Variants in TDRD1 observed in about 807,000 individuals in gnomAD.
The protein encoded by TDRD1 is tudor domain-containing protein 1.
TDRD1 carries 37 observed loss-of-function variants against 140.6 expected under a neutral mutation model. The observed-to-expected ratio is 0.26, with a 90% confidence interval of 0.20 to 0.35. TDRD1 has a LOEUF of 0.35. Among genes scored for constraint, TDRD1 ranks in the 10% least tolerant of loss-of-function variants. TDRD1 has a pLI of 1.00. For missense variants in TDRD1, 1,243 were observed against 1,393.0 expected (o/e 0.89, Z 1.71); for synonymous variants, 506 against 475.7 (o/e 1.06, Z -0.83).
Position 114,196,413 on chromosome 10 carries a change from C to T in TDRD1, c.385-2760C>T, listed in dbSNP as rs76696172. Among the ~76,000 whole-genome samples the T allele has an allele frequency of 2.2e-3, 335 of 152,286 alleles. 3 individuals are homozygous for T. The highest frequency in any genetic ancestry group is 7.7e-3 in the African/African-American group (320 of 41,550). The stretch of plus-strand genomic sequence containing the variant: ...CCCATTCATTCCTGAAAGATATTTT[C>T]CTTGGATAAGTTTCTCAGGTAAGTT... On this transcript the variant is annotated intron_variant, in intron 3 of 25. Coordinates refer to ENST00000251864, the Ensembl canonical transcript of TDRD1.
chr10:114,177,983 C>A (rs2032751707), upstream of TDRD1, among the ~76,000 whole-genome samples: 5 of 151,920 alleles, frequency 3.3e-5, no homozygotes, highest in South Asian at 1.0e-3. Context: ...CAGGCGCCTG[C>A]CACCACACCC....
At chr10:114,181,722 G>T (rs558953241) in intron 1 of TDRD1, among the ~76,000 whole-genome samples, 11 of 152,038 alleles carry the variant, frequency 7.2e-5, no homozygotes, top group South Asian at 2.1e-4. Context: ...GGGCATGCCT[G>T]TAGTCCCAGC....
In TDRD1 at chr10:114,213,474, G is replaced by T. The variant is rs191760026; in HGVS notation, c.1960G>T (p.Asp654Tyr). 1.2e-5 allele frequency: 20 copies of T among 1,614,036 alleles called. No homozygotes were observed. The East Asian group carries it at 4.5e-4, about 36-fold the overall frequency. The change falls in exon 15 of 26, where the codon GAT (aspartate) becomes TAT (tyrosine). Residue 654 changes from aspartate (D) to tyrosine (Y), a missense_variant. Around this residue, in one of 5 missense-constraint regions of TDRD1, gnomAD observed 601 missense variants for 734.7 expected, o/e 0.82. Coordinates refer to ENST00000251864, the Ensembl canonical transcript of TDRD1. ...AAACAGTTCCCTGGTGGAGCTTATT[G>T]ATAAATCCGAGACGCCTCATGTCAG...
chr10:114,175,665 T>G (rs2032678434), upstream of TDRD1, among the ~76,000 whole-genome samples: 1 of 152,186 alleles, frequency 6.6e-6, no homozygotes, highest in Non-Finnish European at 1.5e-5. Context: ...TAGGACATAT[T>G]GCTTGTAGCA....
At chr10:114,208,737 T>C (rs1466569391) in intron 11 of TDRD1, among the ~76,000 whole-genome samples, 1 of 152,156 alleles carries the variant, frequency 6.6e-6, no homozygotes. Flanking sequence ...AACTACTTGC[T>C]TAGTATGGCA....
chr10:114,227,118 A>C (rs769966864), exon 23 of TDRD1: 1 of 1,594,380 alleles, frequency 6.3e-7, no homozygotes, highest in Admixed American at 1.7e-5. Context: ...TAATAATGCT[A>C]TTAAAAAATT....
chr10:114,205,415 C>T (rs1262753465), intron 10 of TDRD1, among the ~76,000 whole-genome samples: 3 of 152,212 alleles, frequency 2.0e-5, no homozygotes, highest in African/African-American at 4.8e-5. Context: ...GGCATCATGG[C>T]TGATTTGGTA....
At chr10:114,177,834 CTTTTTTT>C (rs34189756), upstream of TDRD1, among the ~76,000 whole-genome samples, 4 of 131,104 alleles carry the variant, frequency 3.1e-5, no homozygotes, top group South Asian at 2.5e-4. Context: ...CTTTCTTTTT[CTTTTTTT>C]TTTTTTTTTT....
chr10:114,200,847 CTTTTTTTTTTTT>C (rs33964094), intron 4 of TDRD1, among the ~76,000 whole-genome samples: 5 of 80,406 alleles, frequency 6.2e-5, no homozygotes, highest in Non-Finnish European at 1.1e-4. Context: ...TTGCTGCTGC[CTTTTTTTTTTTT>C]TTTTTTTTTT....
At position 114,202,221 on chromosome 10, in the gene TDRD1, C is replaced by T. The variant is rs779274115; in HGVS notation, c.636-17C>T. The T allele has an allele frequency of 6.3e-7, 1 of 1,590,872 alleles. No homozygotes were observed. Among genetic ancestry groups the T allele is most frequent in the Non-Finnish European group, 8.6e-7 (1 of 1,166,538 alleles). ...GCCTCTGTAGTATAAATATTGTAAT[C>T]TGTTGCTTTATTGCAGTTTCCACAA... On this transcript the variant is annotated splice_polypyrimidine_tract_variant and intron_variant, in intron 5 of 25. Transcript: ENST00000251864.
Position 114,204,809 on chromosome 10 carries a change from G to T in TDRD1, c.1213G>T (p.Glu405Ter). 6.2e-7 allele frequency: 1 copy of T among 1,606,974 alleles called. No homozygotes were observed. Among genetic ancestry groups the T allele is most frequent in the South Asian group, 1.1e-5 (1 of 88,418 alleles). ...CAAAGCTACTAAACCACTGTTAATG[G>T]AGCAGTACTGCTCCATAAAGATTGT... The change falls in exon 10 of 26, where the codon GAG (glutamate) becomes TAG (stop). Residue 405 changes from glutamate (E) to a stop codon, truncating the protein, a stop_gained. Transcript: ENST00000251864. LOFTEE classifies it high-confidence loss of function.
chr10:114,227,485 G>C (rs1036600100), intron 23 of TDRD1, among the ~76,000 whole-genome samples, 186 bp downstream of exon 23: 1 of 152,164 alleles, frequency 6.6e-6, no homozygotes, highest in Non-Finnish European at 1.5e-5. Context: ...GCAGTCCTCC[G>C]AGTCCAGATA....
rs963801647 is a variant in TDRD1 at position 114,201,642 on chromosome 10, G to A, written c.635+127G>A. 66 of 673,998 alleles carry A rather than the reference G, an allele frequency of 9.8e-5. No homozygotes were observed. The Admixed American group carries it at 1.1e-3, about 12-fold the overall frequency. 41.8% of individuals were successfully genotyped at this position (673,998 alleles called of 1,614,324 possible). A position where few individuals can be genotyped will look rare whatever the true frequency, so the allele number is the denominator to read the frequency against. ...TTTTTCTTAAGCTCTATAACAAAGTGTACAAATCTGAAGTGAACAGCTCTA... is the reference window on the plus strand; with the variant it reads ...TTTTTCTTAAGCTCTATAACAAAGTATACAAATCTGAAGTGAACAGCTCTA... On this transcript the variant is annotated intron_variant, in intron 5 of 25. Transcript: ENST00000251864.
intron 3 of TDRD1, among the ~76,000 whole-genome samples, chr10:114,191,655 G>A (rs1420646781): frequency 6.6e-6 from 1 of 151,986 alleles, no homozygotes; most frequent in East Asian, 1.9e-4. Flanking sequence ...TCCACTTTTT[G>A]GCGTTAAAAC....
At chr10:114,208,955 T>C (rs1267268586) in intron 11 of TDRD1, among the ~76,000 whole-genome samples, 1 of 152,058 alleles carries the variant, frequency 6.6e-6, no homozygotes. Context: ...CTGATTTTTT[T>C]GTATTTTTAG....
intron 3 of TDRD1, among the ~76,000 whole-genome samples, chr10:114,192,882 C>T (rs2034085018): frequency 6.6e-6 from 1 of 152,064 alleles, no homozygotes; most frequent in Non-Finnish European, 1.5e-5. Context: ...AAAGTGATTC[C>T]TTTTGCTTGA....
chr10:114,201,207 T>C (rs1311340010), intron 4 of TDRD1, among the ~76,000 whole-genome samples: 1 of 152,194 alleles, frequency 6.6e-6, no homozygotes, highest in Admixed American at 6.5e-5. Flanking sequence ...AACTCAGTTA[T>C]GTGTCCCAGT....
chr10:114,220,201 ACT>A (rs2036056126), intron 18 of TDRD1, among the ~76,000 whole-genome samples: 1 of 151,956 alleles, frequency 6.6e-6, no homozygotes, highest in Non-Finnish European at 1.5e-5. Flanking sequence ...TTATTAGAAA[ACT>A]CTCCACAAAG....
exon 13 of TDRD1, chr10:114,210,932 C>T: frequency 6.2e-7 from 1 of 1,614,088 alleles, no homozygotes; most frequent in Non-Finnish European, 8.5e-7. Context: ...GATTTTTATC[C>T]AGCCATTGGT....
Sources: allele counts gnomAD v4.1 joint callset (sites outside exome capture counted in the v4.1 genomes callset), GRCh38; gene constraint gnomAD v4.1.1; regional missense constraint gnomAD v4.1.1; transcripts MANE v1.5; gene names NCBI Gene and HGNC (gene_info 2026-07-23, HGNC 2026-07-21).